Variants in SLAMF1 observed in about 807,000 individuals in gnomAD.
SLAMF1 encodes signaling lymphocytic activation molecule.
SLAMF1 carries 18 observed loss-of-function variants against 35.1 expected under a neutral mutation model. That is an observed-to-expected ratio of 0.51 (90% CI 0.35 to 0.76). The LOEUF (loss-of-function observed/expected upper bound fraction) is 0.76. SLAMF1 is among the 30% of genes least tolerant of loss of function. The pLI is 0.01. For synonymous variants in SLAMF1, 168 were observed against 157.2 expected (o/e 1.07, Z -0.51); for missense variants, 392 against 413.0 (o/e 0.95, Z 0.44).
intron 5 of SLAMF1, among the ~76,000 whole-genome samples, chr1:160,614,300 G>A (rs554101712): frequency 8.5e-5 from 13 of 152,188 alleles, no homozygotes; most frequent in Non-Finnish European, 1.8e-4. Context: ...CTTTGGCCGG[G>A]CGTGGTGGCT....
At chr1:160,646,251 C>G (rs1037376115) in intron 1 of SLAMF1, among the ~76,000 whole-genome samples, 5 of 152,154 alleles carry the variant, frequency 3.3e-5, no homozygotes, top group African/African-American at 1.2e-4. Context: ...CCAGCCCTAG[C>G]CTTCAGAAAT....
Position 160,609,345 on chromosome 1 carries a change from A to G in SLAMF1, c.*1403T>C. 1 of 152,230 alleles carries G rather than the reference A, an allele frequency of 6.6e-6. No homozygotes were observed. The highest frequency in any genetic ancestry group is 1.9e-4 in the East Asian group (1 of 5,198). The allele number at this position is 152,230 out of a possible 1,614,324, so 9.4% of individuals were successfully genotyped here. A position where few individuals can be genotyped will look rare whatever the true frequency, so the allele number is the denominator to read the frequency against. ...GGTTCCTTTTCTACATAAAAAAGCC[A>G]AAGCCAGCTTCTGTTGATTGCAACT... On this transcript the variant is annotated 3_prime_UTR_variant, in exon 7 of 7. Coordinates refer to ENST00000302035, the MANE Select transcript of SLAMF1 (RefSeq NM_003037.5).
At chr1:160,620,206 G>T (rs886677058) in intron 4 of SLAMF1, among the ~76,000 whole-genome samples, 3 of 152,138 alleles carry the variant, frequency 2.0e-5, no homozygotes, top group Non-Finnish European at 4.4e-5. Context: ...AATCTCTGTT[G>T]CTCAATGTGC....
At chr1:160,644,405 C>A (rs1466613591) in intron 1 of SLAMF1, among the ~76,000 whole-genome samples, 1 of 152,158 alleles carries the variant, frequency 6.6e-6, no homozygotes, top group Non-Finnish European at 1.5e-5. Context: ...ACATACATTT[C>A]TTATAGGGTT....
At chr1:160,611,129 G>T (rs769688124) in intron 6 of SLAMF1, among the ~76,000 whole-genome samples, 6 of 152,146 alleles carry the variant, frequency 3.9e-5, no homozygotes, top group Admixed American at 1.3e-4. Context: ...TTACATATGG[G>T]TCACAATCTG....
intron 1 of SLAMF1, among the ~76,000 whole-genome samples, chr1:160,639,034 C>T (rs947206467): frequency 7.9e-5 from 12 of 152,140 alleles, no homozygotes; most frequent in Non-Finnish European, 1.2e-4. Context: ...GTTATATCTC[C>T]CAACCAAAAC....
intron 3 of SLAMF1, among the ~76,000 whole-genome samples, chr1:160,633,371 G>A (rs1247394677): frequency 6.6e-6 from 1 of 152,170 alleles, no homozygotes; most frequent in Non-Finnish European, 1.5e-5. Flanking sequence ...ACTTCCAGGG[G>A]CACACTGGAG....
At position 160,634,807 on chromosome 1, in the gene SLAMF1, C is replaced by G. The variant is rs1490297401; in HGVS notation, c.506G>C (p.Gly169Ala). 6.2e-7 allele frequency: 1 copy of G among 1,613,996 alleles called. No individual in the cohort carries two copies. Among genetic ancestry groups the G allele is most frequent in the African/African-American group, 1.3e-5 (1 of 74,878 alleles). The part of the protein sequence containing the change: ...TLILGCTVEK[G>A]DHVAYSWSEK... ...ACTCCAGCTGTAAGCCACATGGTCC[C>G]CCTTCTCCACTGTGCAGCCCAGTAT... is the stretch of plus-strand genomic sequence containing the variant. Residue 169 changes from glycine to alanine, a missense_variant, in exon 3 of 7, where the codon GGG becomes GCG. By Grantham distance (60) the Gly-to-Ala change is moderately conservative. Coordinates refer to ENST00000302035, the MANE Select transcript of SLAMF1 (RefSeq NM_003037.5).
intron 1 of SLAMF1, among the ~76,000 whole-genome samples, chr1:160,645,081 A>G (rs978487148): frequency 6.6e-6 from 1 of 152,216 alleles, no homozygotes; most frequent in Non-Finnish European, 1.5e-5. Flanking sequence ...AATAAAGTCT[A>G]TTAAAACAAA....
chr1:160,644,075 C>G (rs1404836672), intron 1 of SLAMF1, among the ~76,000 whole-genome samples: 1 of 152,154 alleles, frequency 6.6e-6, no homozygotes, highest in African/African-American at 2.4e-5. Flanking sequence ...TTCCAAATTC[C>G]AGGTCAAATA....
Position 160,610,581 on chromosome 1 carries a change from T to C in SLAMF1, c.*167A>G. On this transcript the variant is annotated 3_prime_UTR_variant, in exon 7 of 7. Transcript: ENST00000302035. The stretch of plus-strand genomic sequence containing the variant: ...ATTCTTGGGAAGCCTCACTTCCTTG[T>C]TCATTTCACAGATGTATGTGGAAGA... 1 of 629,968 alleles carries C rather than the reference T, an allele frequency of 1.6e-6. No homozygotes were observed. Among genetic ancestry groups the C allele is most frequent in the Admixed American group, 2.7e-5 (1 of 37,012 alleles). The allele number at this position is 629,968 out of a possible 1,614,324, so 39.0% of individuals were successfully genotyped here.
chr1:160,638,952 C>A (rs1288505956), intron 1 of SLAMF1, among the ~76,000 whole-genome samples: 1 of 152,164 alleles, frequency 6.6e-6, no homozygotes, highest in East Asian at 1.9e-4. Context: ...ACTCGGAGTT[C>A]TCATTCTCAT....
chr1:160,611,178 A>G (rs1288457043), intron 6 of SLAMF1, among the ~76,000 whole-genome samples: 1 of 152,190 alleles, frequency 6.6e-6, no homozygotes, highest in Admixed American at 6.5e-5. Flanking sequence ...GTTTTTAAAA[A>G]GTCTAGTGGG....
At chr1:160,611,991 A>C (rs929874762) in intron 6 of SLAMF1, among the ~76,000 whole-genome samples, 2 of 152,062 alleles carry the variant, frequency 1.3e-5, no homozygotes, top group African/African-American at 4.8e-5. Flanking sequence ...ATTTAACAGA[A>C]TCCTAGGTGG....
intron 1 of SLAMF1, among the ~76,000 whole-genome samples, chr1:160,639,864 G>A (rs1660649500): frequency 1.3e-5 from 2 of 151,964 alleles, no homozygotes; most frequent in South Asian, 4.2e-4. Context: ...TTTGCTCACT[G>A]TGCTACGGCC....
At chr1:160,622,207 T>C (rs16832283) in intron 4 of SLAMF1, among the ~76,000 whole-genome samples, 49,236 of 151,912 alleles carry the variant, frequency 0.32, 9,011 homozygotes, top group African/African-American at 0.49. Flanking sequence ...CAAGAACAGG[T>C]TTTTAGGAGT....
chr1:160,631,859 T>C (rs1436060659), intron 3 of SLAMF1, among the ~76,000 whole-genome samples: 2 of 152,006 alleles, frequency 1.3e-5, no homozygotes, highest in African/African-American at 4.8e-5. Context: ...AACCACCCAA[T>C]CTGTTGTACT....
At chr1:160,635,477 T>C (rs1287368066) in intron 2 of SLAMF1, among the ~76,000 whole-genome samples, 2 of 152,182 alleles carry the variant, frequency 1.3e-5, no homozygotes, top group Admixed American at 1.3e-4. Flanking sequence ...TATCCCACTC[T>C]AAGGCCATGA....
intron 3 of SLAMF1, among the ~76,000 whole-genome samples, chr1:160,625,019 T>C (rs1466623147): frequency 6.6e-6 from 1 of 152,158 alleles, no homozygotes; most frequent in African/African-American, 2.4e-5. Flanking sequence ...CACAATAATC[T>C]TACAAGGTAG....
Sources: gnomAD v4.1 joint callset for allele counts (sites outside exome capture counted in the v4.1 genomes callset) on GRCh38, gnomAD v4.1.1 for gene constraint, MANE v1.5 for transcripts, NCBI Gene and HGNC (gene_info 2026-07-23, HGNC 2026-07-21) for gene names.